CC2D2A: variants seen among roughly 807,000 people sequenced by gnomAD.
CC2D2A encodes the protein coiled-coil and C2 domain-containing protein 2A.
CC2D2A carries 155 observed loss-of-function variants against 212.9 expected under a neutral mutation model. The observed-to-expected ratio is 0.73, with a 90% CI of 0.64 to 0.83. CC2D2A has a LOEUF of 0.83. Ranked by LOEUF, CC2D2A falls within the 40% of genes least tolerant of loss-of-function variation. The pLI, the probability that CC2D2A is intolerant of heterozygous loss-of-function variation, is 0.00. For missense variants in CC2D2A, 1,856 were observed against 1,956.2 expected, an observed-to-expected ratio of 0.95 and a Z score of 0.97; for synonymous variants, 667 against 686.5, an observed-to-expected ratio of 0.97 and a Z score of 0.44.
At chr4:15,570,595 C>A in intron 28 of CC2D2A, 99 bp downstream of exon 28, 1 of 748,894 alleles carries the variant, frequency 1.3e-6, no homozygotes, top group Non-Finnish European at 2.3e-6. Context: ...TGGCTCATGC[C>A]TGTAATCCCA....
Position 15,598,225 on chromosome 4 carries a change from ACAATT to A in CC2D2A, c.4496+762_4496+766del, listed in dbSNP as rs1176291375. ...TATTTCTCCAATATTAAAATGCCTG[ACAATT>A]CGTCCATACTTTCGTGCGCAGACCA... On this transcript the variant is annotated intron_variant, in intron 35 of 36. Coordinates refer to ENST00000424120, the MANE Select transcript of CC2D2A (RefSeq NM_001378615.1). 8.5e-5 allele frequency among the ~76,000 whole-genome samples: 13 copies of A among 152,198 alleles called. No homozygotes were observed. The East Asian group carries it at 1.2e-3, about 14-fold the overall frequency.
intron 4 of CC2D2A, among the ~76,000 whole-genome samples, chr4:15,490,921 T>G (rs573903161): frequency 2.4e-4 from 36 of 152,178 alleles, no homozygotes; most frequent in African/African-American, 8.7e-4. Flanking sequence ...CACGTACCCC[T>G]GCTTGCTCAA....
intron 30 of CC2D2A, among the ~76,000 whole-genome samples, chr4:15,582,307 A>C (rs892550962): frequency 6.6e-6 from 1 of 152,178 alleles, no homozygotes; most frequent in Non-Finnish European, 1.5e-5. Flanking sequence ...TATTTGGAAT[A>C]CAGCACACAG....
intron 33 of CC2D2A, among the ~76,000 whole-genome samples, chr4:15,595,478 C>T (rs918076156): frequency 2.6e-5 from 4 of 152,188 alleles, no homozygotes; most frequent in African/African-American, 9.6e-5. Flanking sequence ...CTAAGAGGTA[C>T]AGATTAATTA....
In CC2D2A at chr4:15,500,105, GTGTATATA is replaced by G. The variant is rs1451919866; in HGVS notation, c.248-2322_248-2315del. On this transcript the variant is annotated intron_variant, in intron 4 of 36. Coordinates refer to ENST00000424120, the MANE Select transcript of CC2D2A (RefSeq NM_001378615.1). ...TGTGTGTGTGTGTGTGTGTGTGTGT[GTGTATATA>G]TATATATATATATATATATGTATTT... is the stretch of plus-strand genomic sequence containing the variant. Among the ~76,000 whole-genome samples, 391 of 66,850 alleles carry G rather than the reference GTGTATATA, an allele frequency of 5.8e-3. 2 individuals carry two copies. Among genetic ancestry groups the G allele is most frequent in the African/African-American group, 0.015 (306 of 21,002 alleles). The allele number at this position is 66,850 out of a possible 152,430, so 43.9% of individuals were successfully genotyped here. A position where few individuals can be genotyped will look rare whatever the true frequency, so the allele number is the denominator to read the frequency against.
At chr4:15,591,219 ATTT>A (rs10706968) in intron 33 of CC2D2A, among the ~76,000 whole-genome samples, 9 of 113,562 alleles carry the variant, frequency 7.9e-5, no homozygotes, top group Non-Finnish European at 9.5e-5. Flanking sequence ...CCATCAGTCT[ATTT>A]TTTTTTTTTT....
At chr4:15,510,828 TA>T (rs1280680624) in intron 7 of CC2D2A, among the ~76,000 whole-genome samples, 2 of 152,132 alleles carry the variant, frequency 1.3e-5, no homozygotes, top group African/African-American at 4.8e-5. Flanking sequence ...AGGAGAGTAC[TA>T]ACTCCAAAAG....
chr4:15,537,425 G>C (rs1718193086), intron 15 of CC2D2A, among the ~76,000 whole-genome samples: 1 of 152,162 alleles, frequency 6.6e-6, no homozygotes, highest in South Asian at 2.1e-4. Context: ...TGTAGGGATT[G>C]ATGCTTCTGA....
chr4:15,477,806 T>C (rs1714327516), intron 2 of CC2D2A, among the ~76,000 whole-genome samples: 1 of 152,212 alleles, frequency 6.6e-6, no homozygotes, highest in South Asian at 2.1e-4. Context: ...TTGCGGTTCA[T>C]GTCTTCCCTA....
At position 15,567,692 on chromosome 4, in the gene CC2D2A, T is replaced by C; in HGVS notation, c.3304T>C (p.Phe1102Leu). 6.2e-7 allele frequency: 1 copy of C among 1,603,062 alleles called. No homozygotes were observed. The highest frequency in any genetic ancestry group is 8.5e-7 in the Non-Finnish European group (1 of 1,176,984). Reference sequence around the variant, plus strand: ...TGATTTTAAGGTTTTAGTACGTCCCTTTGTAGAAGTCTCTTTTCAACGAAC... The same window carrying C: ...TGATTTTAAGGTTTTAGTACGTCCCCTTGTAGAAGTCTCTTTTCAACGAAC... ...YPLGQVLVRP[F>L]VEVSFQRTVC... The change falls in exon 26 of 37, where the codon TTT (phenylalanine) becomes CTT (leucine). Residue 1102 changes from phenylalanine (F) to leucine (L), a missense_variant. Transcript: ENST00000424120.
intron 30 of CC2D2A, among the ~76,000 whole-genome samples, chr4:15,581,232 A>G (rs1003467095): frequency 3.3e-5 from 5 of 152,228 alleles, no homozygotes; most frequent in African/African-American, 9.6e-5. Flanking sequence ...TGCTTTTTAT[A>G]TTACACAATT....
chr4:15,481,047 T>G (rs1415323679), intron 4 of CC2D2A: 5 of 505,074 alleles, frequency 9.9e-6, no homozygotes, highest in Non-Finnish European at 1.8e-5. Context: ...TAATATTATT[T>G]GGATGTTTGT....
At chr4:15,554,497 AC>A (rs1196213721) in intron 19 of CC2D2A, among the ~76,000 whole-genome samples, 4 of 151,954 alleles carry the variant, frequency 2.6e-5, no homozygotes, top group African/African-American at 9.7e-5. Flanking sequence ...ACATGGCAAA[AC>A]CCCATCTCTA....
At chr4:15,500,099 GTGTGTGTGTATATATATA>G (rs1231888719) in intron 4 of CC2D2A, among the ~76,000 whole-genome samples, 6 of 69,820 alleles carry the variant, frequency 8.6e-5, no homozygotes, top group African/African-American at 1.8e-4. Flanking sequence ...GTGTGTGTGT[GTGTGTGTGTATATATATA>G]TATATATATA....
rs139060052 is a variant in CC2D2A, at chr4:15,593,967, G to C, written c.4315-2118G>C. 4.0e-3 allele frequency among the ~76,000 whole-genome samples: 605 copies of C among 152,190 alleles called. 6 individuals are homozygous for C. The highest frequency in any genetic ancestry group is 0.014 in the African/African-American group (578 of 41,502). ...TCCAGTGACTTCCTATCTCACTTAA[G>C]AGTCAAAGCCTAAATCTTCATAATG... On this transcript the variant is annotated intron_variant, in intron 33 of 36. Transcript: ENST00000424120.
chr4:15,530,877 CATTTTCCATTTT>C (rs1237978508), intron 13 of CC2D2A, among the ~76,000 whole-genome samples: 2 of 151,816 alleles, frequency 1.3e-5, no homozygotes, highest in African/African-American at 2.4e-5. Context: ...CACCATAAAG[CATTTTCCATTTT>C]ATTTTCCATA....
chr4:15,547,302 TG>T (rs2109046053), intron 17 of CC2D2A, among the ~76,000 whole-genome samples: 1 of 152,362 alleles, frequency 6.6e-6, no homozygotes, highest in Non-Finnish European at 1.5e-5. Flanking sequence ...ATTTATCATT[TG>T]TGTTGCAGAC....
intron 30 of CC2D2A, among the ~76,000 whole-genome samples, chr4:15,584,392 C>T (rs865911319): frequency 3.9e-5 from 6 of 152,116 alleles, no homozygotes; most frequent in African/African-American, 1.4e-4. Flanking sequence ...CAAGAACACA[C>T]ATTGGGAAAA....
chr4:15,596,872 GTAGT>G (rs922958766), intron 34 of CC2D2A, among the ~76,000 whole-genome samples: 29 of 152,302 alleles, frequency 1.9e-4, no homozygotes, highest in African/African-American at 5.8e-4. Context: ...ATATTTTACA[GTAGT>G]TAATCAGCAT....
Sources: gnomAD v4.1 joint callset for allele counts (sites outside exome capture counted in the v4.1 genomes callset) on GRCh38, gnomAD v4.1.1 for gene constraint, MANE v1.5 for transcripts, NCBI Gene and HGNC (gene_info 2026-07-23, HGNC 2026-07-21) for gene names.